The following ASAP1 variants were observed in gnomAD, a reference collection of about 807,000 sequenced individuals.
The protein encoded by ASAP1 is ArfGAP with SH3 domain, ankyrin repeat and PH domain 1.
In ASAP1, 43 loss-of-function variants were observed where a neutral mutation model predicts 145.2. The observed-to-expected ratio is 0.30, with a 90% CI of 0.23 to 0.38. The LOEUF (loss-of-function observed/expected upper bound fraction) is 0.38. ASAP1 is among the 10% of genes least tolerant of loss of function. ASAP1 has a pLI of 1.00. For missense variants in ASAP1, 1,018 were observed against 1,355.3 expected (o/e 0.75, Z 3.91); for synonymous variants, 546 against 515.5 (o/e 1.06, Z -0.80).
chr8:130,407,654 C>T (rs1211929009), intron 1 of ASAP1, among the ~76,000 whole-genome samples: 1 of 152,224 alleles, frequency 6.6e-6, no homozygotes, highest in East Asian at 1.9e-4. Flanking sequence ...TTTGTTACCA[C>T]CCACGTTTCT....
At chr8:130,338,731 C>T (rs1019605820) in intron 3 of ASAP1, among the ~76,000 whole-genome samples, 2 of 152,168 alleles carry the variant, frequency 1.3e-5, no homozygotes, top group Non-Finnish European at 2.9e-5. Context: ...CAGCTGAATG[C>T]TGAGGACAAT....
intron 3 of ASAP1, among the ~76,000 whole-genome samples, chr8:130,298,299 A>T (rs144545369): frequency 3.9e-5 from 6 of 152,344 alleles, no homozygotes; most frequent in African/African-American, 1.4e-4. Flanking sequence ...ATGATGTACA[A>T]CATAGATGAA....
intron 3 of ASAP1, among the ~76,000 whole-genome samples, chr8:130,295,753 A>C (rs1385557768): frequency 6.6e-6 from 1 of 152,188 alleles, no homozygotes; most frequent in Non-Finnish European, 1.5e-5. Context: ...AGGTTCCTAA[A>C]AATAGCATGA....
intron 12 of ASAP1, among the ~76,000 whole-genome samples, chr8:130,158,925 G>A (rs2097663450): frequency 6.6e-6 from 1 of 151,974 alleles, no homozygotes; most frequent in Non-Finnish European, 1.5e-5. Context: ...TAGAGACGGG[G>A]TTTCACTGTG....
At chr8:130,168,937 C>T (rs2097685694) in intron 10 of ASAP1, 55 bp downstream of exon 10, 2 of 1,075,364 alleles carry the variant, frequency 1.9e-6, no homozygotes, top group Admixed American at 2.4e-5. Context: ...TTCAAATTTA[C>T]TGAAACTTAT....
At chr8:130,254,049 C>CT (rs915992766) in intron 3 of ASAP1, among the ~76,000 whole-genome samples, 146 of 152,224 alleles carry the variant, frequency 9.6e-4, no homozygotes, top group African/African-American at 3.4e-3. Context: ...AATAAAACGT[C>CT]TTGGTCCTAT....
chr8:130,129,836 C>T (rs2097580438), intron 15 of ASAP1, among the ~76,000 whole-genome samples: 1 of 152,062 alleles, frequency 6.6e-6, no homozygotes, highest in Non-Finnish European at 1.5e-5. Context: ...ATTTCAAAAC[C>T]AAGAGTCTAG....
intron 2 of ASAP1, among the ~76,000 whole-genome samples, chr8:130,363,146 TGCTTAG>T (rs1453227177): frequency 1.3e-5 from 2 of 152,218 alleles, no homozygotes; most frequent in Non-Finnish European, 2.9e-5. Flanking sequence ...GTATATAAAG[TGCTTAG>T]CAGGGTCTCA....
chr8:130,118,638 C>T lies in ASAP1; in HGVS notation c.1645G>A (p.Asp549Asn). The change falls in exon 19 of 30, where the codon GAT becomes AAT. Residue 549 changes from aspartate (D) to asparagine (N), a missense_variant. Asp to Asn is a conservative substitution (Grantham distance 23). Around this residue, in one of 9 missense-constraint regions of ASAP1, gnomAD observed 153 missense variants for 221.6 expected, o/e 0.69. Transcript: ENST00000518721. ...CAGGTCTTCCTTGAAAACCTATGAT[C>T]TACATACTTTGCAGTGATATATTCT... is the stretch of plus-strand genomic sequence containing the variant. ...RKEYITAKYV[D>N]HRFSRKTCST... The T allele has an allele frequency of 6.2e-7, 1 of 1,613,644 alleles. No homozygotes were observed. Among genetic ancestry groups the T allele is most frequent in the Non-Finnish European group, 8.5e-7 (1 of 1,179,722 alleles).
intron 4 of ASAP1, among the ~76,000 whole-genome samples, chr8:130,229,171 TCA>T (rs1817763011): frequency 6.6e-6 from 1 of 152,222 alleles, no homozygotes; most frequent in South Asian, 2.1e-4. Context: ...AAATGAGGCA[TCA>T]CAGAATCAGT....
chr8:130,414,416 AG>A (rs1829391907), intron 1 of ASAP1, among the ~76,000 whole-genome samples: 1 of 152,240 alleles, frequency 6.6e-6, no homozygotes, highest in African/African-American at 2.4e-5. Flanking sequence ...GGAAAAAGCC[AG>A]GGTTTCAGAA....
intron 3 of ASAP1, among the ~76,000 whole-genome samples, chr8:130,248,453 C>T (rs77039269): frequency 0.016 from 2,506 of 152,210 alleles, 70 homozygotes; most frequent in African/African-American, 0.055. Context: ...ATGCCTGAAA[C>T]AAGTGGCCAC....
intron 26 of ASAP1, among the ~76,000 whole-genome samples, chr8:130,079,364 C>A (rs1305771545): frequency 6.6e-6 from 1 of 151,928 alleles, no homozygotes; most frequent in African/African-American, 2.4e-5. Flanking sequence ...AAGAGATCTC[C>A]TCAAGTATAC....
chr8:130,085,735 T>A (rs1318722293), intron 25 of ASAP1, among the ~76,000 whole-genome samples: 7 of 125,296 alleles, frequency 5.6e-5, no homozygotes, highest in South Asian at 2.7e-4. Context: ...ACGTTGTCTT[T>A]AAGAAAAAAA....
chr8:130,088,822 T>C (rs2097499481), intron 25 of ASAP1, among the ~76,000 whole-genome samples: 2 of 152,220 alleles, frequency 1.3e-5, no homozygotes, highest in Admixed American at 6.5e-5. Context: ...GGTTGCTTTT[T>C]ATGTGTTCTT....
intron 23 of ASAP1, among the ~76,000 whole-genome samples, chr8:130,114,063 T>C (rs2097550889): frequency 6.6e-6 from 1 of 152,176 alleles, no homozygotes; most frequent in Admixed American, 6.5e-5. Flanking sequence ...ATTACAGGTG[T>C]GAGCCACAGC....
intron 2 of ASAP1, among the ~76,000 whole-genome samples, chr8:130,369,964 G>A (rs923301302): frequency 2.0e-5 from 3 of 152,184 alleles, no homozygotes; most frequent in African/African-American, 7.2e-5. Context: ...AGGTAATTAA[G>A]TCATGAGGGT....
At chr8:130,319,928 A>G (rs918178288) in intron 3 of ASAP1, among the ~76,000 whole-genome samples, 1 of 152,234 alleles carries the variant, frequency 6.6e-6, no homozygotes, top group African/African-American at 2.4e-5. Context: ...TACTTCATAC[A>G]ATTATTTACA....
At chr8:130,211,394 A>ATCGTACTT (rs1816571371) in intron 5 of ASAP1, among the ~76,000 whole-genome samples, 1 of 152,174 alleles carries the variant, frequency 6.6e-6, no homozygotes, top group South Asian at 2.1e-4. Context: ...ATCTCACTTG[A>ATCGTACTT]TCGTACTTTC....
Sources: gnomAD v4.1 joint callset for allele counts (sites outside exome capture counted in the v4.1 genomes callset) on GRCh38, gnomAD v4.1.1 for gene constraint, gnomAD v4.1.1 regional missense constraint, MANE v1.5 for transcripts, NCBI Gene and HGNC (gene_info 2026-07-23, HGNC 2026-07-21) for gene names.